Variants in ZNF536 observed in about 807,000 individuals in gnomAD.
ZNF536 encodes the protein zinc finger protein 536.
Under a neutral mutation model 84.5 loss-of-function variants are expected in ZNF536, and 13 were observed. The observed-to-expected ratio is 0.15, with a 90% CI of 0.10 to 0.24. The LOEUF is 0.24. Ranked by LOEUF, ZNF536 falls within the 10% of genes least tolerant of loss-of-function variation. The pLI is 1.00. For synonymous variants in ZNF536, 811 were observed against 742.5 expected (o/e 1.09, Z -1.50); for missense variants, 1,536 against 1,747.5 (o/e 0.88, Z 2.16).
intron 1 of ZNF536, among the ~76,000 whole-genome samples, chr19:30,598,028 T>C (rs563011796): frequency 1.3e-5 from 2 of 152,204 alleles, no homozygotes; most frequent in African/African-American, 4.8e-5. Flanking sequence ...TTGTTGTTGA[T>C]GGTGTTGTTG....
At chr19:30,256,364 G>A (rs989775978) in intron 1 of ZNF536, among the ~76,000 whole-genome samples, 1 of 152,094 alleles carries the variant, frequency 6.6e-6, no homozygotes, top group African/African-American at 2.4e-5. Context: ...CTATCATTAG[G>A]TATTGGCCTA....
At chr19:30,407,859 A>T (rs2147634477) in intron 1 of ZNF536, among the ~76,000 whole-genome samples, 3 of 152,308 alleles carry the variant, frequency 2.0e-5, no homozygotes, top group Middle Eastern at 6.8e-3. Flanking sequence ...CCGTGGGTGG[A>T]AATACAGATG....
At chr19:30,609,930 C>T (rs958105810) in intron 1 of ZNF536, among the ~76,000 whole-genome samples, 1 of 151,542 alleles carries the variant, frequency 6.6e-6, no homozygotes, top group African/African-American at 2.4e-5. Flanking sequence ...ATCCATCCAT[C>T]CATCCATCCA....
At chr19:30,465,581 T>A (rs756595603) in intron 2 of ZNF536, among the ~76,000 whole-genome samples, 36 of 152,144 alleles carry the variant, frequency 2.4e-4, no homozygotes, top group Non-Finnish European at 4.7e-4. Flanking sequence ...AACACTTTTT[T>A]AAAATGTGTG....
downstream of ZNF536, among the ~76,000 whole-genome samples, chr19:30,561,911 C>A (rs1360950940): frequency 6.6e-6 from 1 of 152,174 alleles, no homozygotes; most frequent in Non-Finnish European, 1.5e-5. Flanking sequence ...TGAGAACACC[C>A]TCTTGGGTAC....
intron 2 of ZNF536, among the ~76,000 whole-genome samples, chr19:30,341,913 A>T (rs2146557529): frequency 6.6e-6 from 1 of 152,348 alleles, no homozygotes; most frequent in South Asian, 2.1e-4. Flanking sequence ...ATTAATGCAT[A>T]CTCATAAAAA....
chr19:30,509,661 C>T (rs1016758143), intron 2 of ZNF536, among the ~76,000 whole-genome samples: 1 of 152,020 alleles, frequency 6.6e-6, no homozygotes, highest in South Asian at 2.1e-4. Flanking sequence ...AAATAGTTAT[C>T]CTTTTTTTGT....
At chr19:30,515,080 A>G (rs1016945453) in intron 2 of ZNF536, among the ~76,000 whole-genome samples, 3 of 152,044 alleles carry the variant, frequency 2.0e-5, no homozygotes, top group Admixed American at 6.5e-5. Context: ...GCAAGACCCC[A>G]TCTCTACAAA....
chr19:30,492,641 T>C (rs1027038233), intron 2 of ZNF536, among the ~76,000 whole-genome samples: 31 of 152,222 alleles, frequency 2.0e-4, no homozygotes, highest in African/African-American at 3.1e-4. Context: ...TTGTTTTCTT[T>C]TGACAACGTA....
chr19:30,548,127 C>T lies in ZNF536; in HGVS notation c.2508C>T (p.Asp836=), dbSNP rs762134093. 6.2e-7 allele frequency: 1 copy of T among 1,614,086 alleles called. No homozygotes were observed. The highest frequency in any genetic ancestry group is 8.5e-7 in the Non-Finnish European group (1 of 1,179,968). The change falls in exon 4 of 5, where the codon GAC becomes GAT. Residue 836 remains aspartate, a synonymous_variant. Transcript: ENST00000355537. The stretch of plus-strand genomic sequence containing the variant: ...AAGCTTCTCTGTTCATCAGGCCAGA[C>T]ATCCTGAGGGGGGCCTTCAAGGGTC... The part of the protein sequence containing the change: ...SSKASLFIRP[D]ILRGAFKGLP...
At chr19:30,409,034 C>G (rs2050379011) in intron 1 of ZNF536, among the ~76,000 whole-genome samples, 1 of 149,478 alleles carries the variant, frequency 6.7e-6, no homozygotes, top group Non-Finnish European at 1.5e-5. Context: ...ATCCATCCAT[C>G]CACTCATTCA....
At chr19:30,654,927 T>G (rs1399642356) in intron 1 of ZNF536, among the ~76,000 whole-genome samples, 1 of 152,074 alleles carries the variant, frequency 6.6e-6, no homozygotes, top group African/African-American at 2.4e-5. Context: ...TTTCAGAAAT[T>G]TTTATTTCTG....
intron 1 of ZNF536, among the ~76,000 whole-genome samples, chr19:30,618,550 C>T (rs931497151): frequency 2.0e-5 from 3 of 152,004 alleles, no homozygotes; most frequent in African/African-American, 7.2e-5. Flanking sequence ...GGTTCTAGTT[C>T]TGTGATTTTA....
chr19:30,575,287 A>T (rs1287701467), intron 1 of ZNF536, among the ~76,000 whole-genome samples: 1 of 152,052 alleles, frequency 6.6e-6, no homozygotes, highest in African/African-American at 2.4e-5. Flanking sequence ...CCCGCCGGGC[A>T]CTTCCCTCCA....
chr19:30,230,487 A>G (rs932537787), intron 1 of ZNF536, among the ~76,000 whole-genome samples: 2 of 152,220 alleles, frequency 1.3e-5, no homozygotes, highest in African/African-American at 2.4e-5. Flanking sequence ...GCAACTCAGC[A>G]ACTTAACTGC....
chr19:30,377,636 G>C (rs11084547), intron 1 of ZNF536, among the ~76,000 whole-genome samples: 76,625 of 151,946 alleles, frequency 0.5, 22,090 homozygotes, highest in Non-Finnish European at 0.64. Context: ...CTGCTACAAG[G>C]GTTTGTGAAA....
chr19:30,634,000 C>T (rs2048978147), intron 1 of ZNF536, among the ~76,000 whole-genome samples: 1 of 152,142 alleles, frequency 6.6e-6, no homozygotes, highest in Admixed American at 6.5e-5. Context: ...ATTGCCTGTA[C>T]TAAGCATGTG....
chr19:30,624,109 G>A (rs920575599), intron 1 of ZNF536, among the ~76,000 whole-genome samples: 1 of 152,136 alleles, frequency 6.6e-6, no homozygotes, highest in African/African-American at 2.4e-5. Flanking sequence ...GCACTCTGGG[G>A]TGTGGGTATG....
At chr19:30,290,380 T>C (rs10405244) in intron 2 of ZNF536, among the ~76,000 whole-genome samples, 46,555 of 152,090 alleles carry the variant, frequency 0.31, 9,703 homozygotes, top group East Asian at 0.6. Context: ...TGGGCTGAAG[T>C]GATTTTCCTG....
Sources: gnomAD v4.1 joint callset for allele counts (sites outside exome capture counted in the v4.1 genomes callset) on GRCh38, gnomAD v4.1.1 for gene constraint, MANE v1.5 for transcripts, NCBI Gene and HGNC (gene_info 2026-07-23, HGNC 2026-07-21) for gene names.